Variants in TRPC5 observed in about 807,000 individuals in gnomAD.
The protein encoded by TRPC5 is transient receptor potential cation channel subfamily C member 5, also known as short transient receptor potential channel 5.
In TRPC5, 9 loss-of-function variants were observed where a neutral mutation model predicts 56.5. That is an observed-to-expected ratio of 0.16 (90% CI 0.10 to 0.28). The LOEUF (loss-of-function observed/expected upper bound fraction) is 0.28. Ranked by LOEUF, TRPC5 falls within the 10% of genes least tolerant of loss-of-function variation. The pLI is 1.00. For synonymous variants in TRPC5, 282 were observed against 278.5 expected (o/e 1.01, Z -0.13); for missense variants, 469 against 748.9 (o/e 0.63, Z 4.36).
intron 2 of TRPC5, among the ~76,000 whole-genome samples, chrX:111,924,598 CTGTT>C (rs200962699): frequency 0.012 from 1,315 of 112,232 alleles, 15 homozygotes; most frequent in African/African-American, 0.039. Flanking sequence ...CTGTCAAATG[CTGTT>C]TGTTTGGTTG....
intron 7 of TRPC5, among the ~76,000 whole-genome samples, chrX:111,793,174 C>T (rs1316913841): frequency 4.5e-5 from 5 of 110,893 alleles, no homozygotes; most frequent in Non-Finnish European, 7.6e-5. Context: ...TCCTACCAAC[C>T]CTCCTTTTAC....
intron 1 of TRPC5, among the ~76,000 whole-genome samples, chrX:111,956,568 A>C (rs1295881977): frequency 9.0e-6 from 1 of 111,595 alleles, no homozygotes; most frequent in Non-Finnish European, 1.9e-5. Flanking sequence ...GCAGTCCAAA[A>C]AGTGCCTATA....
intron 1 of TRPC5, among the ~76,000 whole-genome samples, chrX:112,016,862 G>C (rs1177528228): frequency 8.9e-6 from 1 of 111,944 alleles, no homozygotes; most frequent in Admixed American, 9.5e-5. Context: ...CTCAGTTTTT[G>C]CCTGTAAACA....
At position 111,875,082 on chromosome X, in the gene TRPC5, C is replaced by T. The variant is rs187402502; in HGVS notation, c.901-20976G>A. Among the ~76,000 whole-genome samples the T allele has an allele frequency of 2.2e-3, 250 of 111,969 alleles. 1 individual carries two copies. The highest frequency in any genetic ancestry group is 7.4e-3 in the African/African-American group (227 of 30,815). The stretch of plus-strand genomic sequence containing the variant: ...CTTCTCTGTGCCTCTGTATCCTCCT[C>T]TGTAAAATGAGAATAATAATACTGC... On this transcript the variant is annotated intron_variant, in intron 3 of 10. Transcript: ENST00000262839.
At chrX:111,972,136 C>T (rs1369318826) in intron 1 of TRPC5, among the ~76,000 whole-genome samples, 1 of 111,629 alleles carries the variant, frequency 9.0e-6, no homozygotes, top group Non-Finnish European at 1.9e-5. Flanking sequence ...TTACAATTAC[C>T]CTGTCTTGCA....
intron 3 of TRPC5, among the ~76,000 whole-genome samples, chrX:111,863,918 T>A (rs1160703753): frequency 8.9e-6 from 1 of 112,129 alleles, no homozygotes; most frequent in Non-Finnish European, 1.9e-5. Flanking sequence ...TTACATTAAC[T>A]GATTTTTGTT....
intron 7 of TRPC5, among the ~76,000 whole-genome samples, chrX:111,809,637 C>T (rs1417875182): frequency 9.0e-6 from 1 of 111,398 alleles, no homozygotes; most frequent in Non-Finnish European, 1.9e-5. Context: ...TGATCCCTCA[C>T]CTGATTTTTT....
At chrX:111,861,416 TTTTA>T (rs1415685220) in intron 3 of TRPC5, among the ~76,000 whole-genome samples, 2 of 112,253 alleles carry the variant, frequency 1.8e-5, no homozygotes, top group African/African-American at 3.2e-5. Context: ...ATCCACTTTA[TTTTA>T]TTTAATTTTA....
At chrX:112,029,260 C>T (rs1160442904) in intron 1 of TRPC5, among the ~76,000 whole-genome samples, 1 of 111,703 alleles carries the variant, frequency 9.0e-6, no homozygotes, top group East Asian at 2.8e-4. Context: ...TCTTCTGTGC[C>T]TGGATTATTT....
At chrX:111,987,480 A>T (rs766974572) in intron 1 of TRPC5, among the ~76,000 whole-genome samples, 62 of 111,228 alleles carry the variant, frequency 5.6e-4, no homozygotes, top group African/African-American at 1.7e-3. Flanking sequence ...TTCATCCTAT[A>T]TAACCACACC....
chrX:112,000,258 C>T (rs958500156), intron 1 of TRPC5, among the ~76,000 whole-genome samples: 4 of 111,523 alleles, frequency 3.6e-5, no homozygotes, highest in African/African-American at 1.3e-4. Context: ...CCATAAGTAA[C>T]ACCACTGGAA....
intron 1 of TRPC5, among the ~76,000 whole-genome samples, chrX:112,040,387 C>A (rs1458879627): frequency 2.7e-5 from 3 of 111,867 alleles, no homozygotes; most frequent in Non-Finnish European, 5.6e-5. Context: ...CTAGAACAAT[C>A]CATTTCCAGA....
intron 1 of TRPC5, among the ~76,000 whole-genome samples, chrX:111,989,342 C>T (rs1384610573): frequency 1.8e-5 from 2 of 111,750 alleles, no homozygotes; most frequent in African/African-American, 6.5e-5. Flanking sequence ...TTCCAGCATG[C>T]TTTCCCTTAT....
At chrX:111,923,702 G>A (rs187731411) in intron 2 of TRPC5, among the ~76,000 whole-genome samples, 32 of 111,897 alleles carry the variant, frequency 2.9e-4, no homozygotes, top group Non-Finnish European at 5.5e-4. Context: ...CCTCCCTGAA[G>A]GCATTTTGCA....
chrX:112,064,128 C>T (rs1485242431), intron 1 of TRPC5, among the ~76,000 whole-genome samples: 1 of 111,686 alleles, frequency 9.0e-6, no homozygotes. Flanking sequence ...TTAATTGGAA[C>T]AATGAAGTAT....
At chrX:111,847,051 G>A (rs1404345269) in intron 6 of TRPC5, 63 bp downstream of exon 6, 12 of 1,100,947 alleles carry the variant, frequency 1.1e-5, no homozygotes, top group African/African-American at 1.9e-5. Context: ...GGACAAAAAT[G>A]GAGAAGGCGG....
chrX:111,952,528 G>T (rs1044090260), intron 1 of TRPC5, 87 bp from the exon 2 acceptor site: 3 of 939,910 alleles, frequency 3.2e-6, no homozygotes, highest in Non-Finnish European at 1.4e-6. Flanking sequence ...CCTGCTAAGG[G>T]GTTAGAAAAT....
At chrX:111,862,338 T>C (rs770895249) in intron 3 of TRPC5, among the ~76,000 whole-genome samples, 151 of 112,143 alleles carry the variant, frequency 1.3e-3, no homozygotes, top group African/African-American at 4.6e-3. Flanking sequence ...ATCTCTTCGC[T>C]TAAATGCTGA....
rs1322754012 is a variant in TRPC5 at position 111,768,197 on chromosome X, T to G, written c.*8116A>C. On this transcript the variant is annotated 3_prime_UTR_variant, in exon 11 of 11. Transcript: ENST00000262839. ...CTTTGAAAATAGTCTTCAAAGCCAGTGTCATTTACACAGACACATTTGGAA... is the reference window on the plus strand; with the variant it reads ...CTTTGAAAATAGTCTTCAAAGCCAGGGTCATTTACACAGACACATTTGGAA... Among the ~76,000 whole-genome samples, 3 of 112,325 alleles carry G rather than the reference T, an allele frequency of 2.7e-5. No individual in the cohort carries two copies. The highest frequency in any genetic ancestry group is 5.6e-5 in the Non-Finnish European group (3 of 53,195).
Sources: allele counts gnomAD v4.1 joint callset (sites outside exome capture counted in the v4.1 genomes callset), GRCh38; gene constraint gnomAD v4.1.1; transcripts MANE v1.5; gene names NCBI Gene and HGNC (gene_info 2026-07-23, HGNC 2026-07-21).